ZPBP: variants seen among roughly 807,000 people sequenced by gnomAD.
The protein encoded by ZPBP is zona pellucida binding protein.
Under a neutral mutation model 44.8 loss-of-function variants are expected in ZPBP, and 26 were observed. The ratio of observed to expected loss-of-function variants is 0.58; its 90% CI spans 0.43 to 0.81. The LOEUF (loss-of-function observed/expected upper bound fraction) is 0.81. ZPBP is among the 30% of genes least tolerant of loss of function. ZPBP has a pLI of 0.00. For synonymous variants in ZPBP, 174 were observed against 153.2 expected, an observed-to-expected ratio of 1.14 and a Z score of -1.00; for missense variants, 409 against 434.0, an observed-to-expected ratio of 0.94 and a Z score of 0.51.
intron 4 of ZPBP, among the ~76,000 whole-genome samples, chr7:50,054,364 A>G (rs971027544): frequency 1.5e-4 from 23 of 152,286 alleles, no homozygotes; most frequent in African/African-American, 5.0e-4. Flanking sequence ...CAGAATAGCA[A>G]AATATCTAAA....
At chr7:50,078,760 A>G (rs58158112) in intron 3 of ZPBP, among the ~76,000 whole-genome samples, 7,125 of 151,592 alleles carry the variant, frequency 0.047, 187 homozygotes, top group African/African-American at 0.067. Flanking sequence ...GAAACTATCA[A>G]CAAAGTAAAC....
intron 3 of ZPBP, among the ~76,000 whole-genome samples, chr7:50,061,603 T>C (rs368955605): frequency 6.6e-6 from 1 of 152,252 alleles, no homozygotes; most frequent in African/African-American, 2.4e-5. Context: ...AAAGGGTTGA[T>C]TTTAATGATT....
At chr7:49,911,851 C>T (rs1226703562) in intron 1 of ZPBP, among the ~76,000 whole-genome samples, 2 of 151,132 alleles carry the variant, frequency 1.3e-5, no homozygotes, top group African/African-American at 2.4e-5. Flanking sequence ...GAGCCGAGAT[C>T]GTGCCACTGC....
intron 1 of ZPBP, among the ~76,000 whole-genome samples, chr7:49,929,795 T>C (rs139168683): frequency 6.6e-6 from 1 of 152,322 alleles, no homozygotes; most frequent in East Asian, 1.9e-4. Context: ...TTTGAAGTTG[T>C]ATTACATGCA....
chr7:50,034,838 T>C (rs1799757166), intron 4 of ZPBP, among the ~76,000 whole-genome samples: 1 of 152,218 alleles, frequency 6.6e-6, no homozygotes, highest in Non-Finnish European at 1.5e-5. Context: ...TCCCCAAAGC[T>C]ACCAACTTGG....
chr7:49,973,411 G>T (rs1259059940), intron 7 of ZPBP, among the ~76,000 whole-genome samples: 1 of 151,928 alleles, frequency 6.6e-6, no homozygotes, highest in African/African-American at 2.4e-5. Flanking sequence ...ACAACTCACA[G>T]AATGGGGAGA....
chr7:50,090,672 T>C (rs1184545156), intron 1 of ZPBP, among the ~76,000 whole-genome samples: 2 of 152,042 alleles, frequency 1.3e-5, no homozygotes, highest in African/African-American at 4.8e-5. Flanking sequence ...CATATATATA[T>C]ACACATATAC....
chr7:50,079,342 T>G (rs1370416494), intron 3 of ZPBP, among the ~76,000 whole-genome samples: 1 of 151,658 alleles, frequency 6.6e-6, no homozygotes, highest in Non-Finnish European at 1.5e-5. Context: ...AAGGTCATTG[T>G]TAAAATTAAT....
intron 4 of ZPBP, among the ~76,000 whole-genome samples, chr7:50,043,000 C>A (rs552041350): frequency 6.6e-6 from 1 of 152,156 alleles, no homozygotes; most frequent in Non-Finnish European, 1.5e-5. Context: ...ATGACACCCA[C>A]GCTGGAAGAT....
At chr7:49,940,857 C>T in intron 7 of ZPBP, 1 of 913,002 alleles carries the variant, frequency 1.1e-6, no homozygotes, top group African/African-American at 1.8e-5. Context: ...GGTGCAGTTC[C>T]TGAAAACCAC....
At chr7:50,050,887 A>C (rs1451569817) in intron 4 of ZPBP, among the ~76,000 whole-genome samples, 1 of 151,834 alleles carries the variant, frequency 6.6e-6, no homozygotes, top group African/African-American at 2.4e-5. Context: ...CAAAGATTTC[A>C]TGACAAAAAT....
intron 7 of ZPBP, among the ~76,000 whole-genome samples, chr7:49,971,239 A>C (rs540175331): frequency 8.5e-5 from 13 of 152,294 alleles, no homozygotes; most frequent in African/African-American, 2.2e-4. Flanking sequence ...AGGAACCAGG[A>C]AAAGGAGAGG....
intron 4 of ZPBP, among the ~76,000 whole-genome samples, chr7:50,037,452 C>G (rs1197799496): frequency 6.6e-6 from 1 of 152,172 alleles, no homozygotes; most frequent in Admixed American, 6.5e-5. Context: ...GCAGGCTGTA[C>G]AGAAGCATGG....
intron 4 of ZPBP, among the ~76,000 whole-genome samples, chr7:50,053,974 C>T (rs113804689): frequency 0.012 from 1,844 of 152,214 alleles, 28 homozygotes; most frequent in African/African-American, 0.034. Context: ...CTGCAGCTTC[C>T]GCCTCCCAGG....
chr7:50,053,732 G>T (rs1277066333), intron 4 of ZPBP, among the ~76,000 whole-genome samples: 2 of 152,032 alleles, frequency 1.3e-5, no homozygotes, highest in Non-Finnish European at 2.9e-5. Flanking sequence ...AGTATCATCT[G>T]GTGGTTTTGT....
chr7:49,986,559 C>T (rs1042043597), intron 6 of ZPBP, among the ~76,000 whole-genome samples: 1 of 152,206 alleles, frequency 6.6e-6, no homozygotes, highest in African/African-American at 2.4e-5. Context: ...AAGTTTCCCT[C>T]CTTGTTGGAA....
chr7:50,083,223 A>T (rs772392504), intron 2 of ZPBP, among the ~76,000 whole-genome samples: 44 of 151,886 alleles, frequency 2.9e-4, no homozygotes, highest in Non-Finnish European at 5.6e-4. Context: ...AACATACAAA[A>T]ACAAATAATA....
At chr7:50,009,795 C>T (rs892207894) in intron 6 of ZPBP, among the ~76,000 whole-genome samples, 2 of 151,942 alleles carry the variant, frequency 1.3e-5, no homozygotes, top group African/African-American at 4.8e-5. Context: ...ATCAAGTTTA[C>T]AAGAAACTAT....
chr7:49,946,775 G>C (rs553804027), intron 7 of ZPBP, among the ~76,000 whole-genome samples: 1 of 151,992 alleles, frequency 6.6e-6, no homozygotes, highest in African/African-American at 2.4e-5. Context: ...CCATCCCTTT[G>C]AATAACCTTT....
Sources: gnomAD v4.1 joint callset for allele counts (sites outside exome capture counted in the v4.1 genomes callset) on GRCh38, gnomAD v4.1.1 for gene constraint, MANE v1.5 for transcripts, NCBI Gene and HGNC (gene_info 2026-07-23, HGNC 2026-07-21) for gene names.